The following HMGN2 variants were observed in gnomAD, a reference collection of about 807,000 sequenced individuals.
HMGN2 encodes non-histone chromosomal protein HMG-17.
Under a neutral mutation model 16.9 loss-of-function variants are expected in HMGN2, and 2 were observed. The ratio of observed to expected loss-of-function variants is 0.12; its 90% CI spans 0.05 to 0.37. HMGN2 has a LOEUF of 0.37. HMGN2 is among the 10% of genes least tolerant of loss of function. The pLI is 1.00. For missense variants in HMGN2, 90 were observed against 106.0 expected (o/e 0.85, Z 0.66); for synonymous variants, 31 against 34.9 (o/e 0.89, Z 0.39).
intron 4 of HMGN2, 120 bp downstream of exon 4, chr1:26,474,255 C>T (rs1479432479): frequency 1.4e-6 from 1 of 707,406 alleles, no homozygotes; most frequent in Middle Eastern, 4.0e-4. Context: ...GGATAGCTTA[C>T]CTCGTCCGTG....
Position 26,473,752 on chromosome 1 carries a change from T to C in HMGN2, c.90+20T>C. The stretch of plus-strand genomic sequence containing the variant: ...TCTGCTGTAAGTGTATGCTTTTGAA[T>C]TTTCGTGCTTGTCCCTGAAACTAAA... On this transcript the variant is annotated intron_variant, in intron 3 of 5. Transcript: ENST00000361427. 6.2e-7 allele frequency: 1 copy of C among 1,612,668 alleles called. No homozygotes were observed. Among genetic ancestry groups the C allele is most frequent in the Non-Finnish European group, 8.5e-7 (1 of 1,178,800 alleles).
intron 4 of HMGN2, 74 bp downstream of exon 4, chr1:26,474,209 A>C: frequency 9.3e-7 from 1 of 1,078,384 alleles, no homozygotes; most frequent in Admixed American, 2.3e-5. Flanking sequence ...TAATTAGCAT[A>C]ATGGTGCCTC....
At chr1:26,475,018 C>T in intron 5 of HMGN2, 95 bp from the exon 6 acceptor site, 4 of 1,047,450 alleles carry the variant, frequency 3.8e-6, no homozygotes, top group Non-Finnish European at 5.8e-6. Flanking sequence ...GAAACCTGAA[C>T]TTTGGCCTGG....
rs1491341173 is a variant in HMGN2, at chr1:26,475,058, AAC to A, written c.238-51_238-50del. 3 of 1,443,966 alleles carry A rather than the reference AAC, an allele frequency of 2.1e-6. No individual in the cohort carries two copies. In the African/African-American group the frequency reaches 4.2e-5, roughly 20 times the overall value. The allele number at this position is 1,443,966 out of a possible 1,614,324, so 89.4% of individuals were successfully genotyped here. ...AAAGTGATGCTGTAGGTGGAATGTG[AAC>A]ACAGATAGTTTTGAAATCTACGCAT... On this transcript the variant is annotated intron_variant, in intron 5 of 5. Coordinates refer to ENST00000361427, the MANE Select transcript of HMGN2 (RefSeq NM_005517.4).
intron 3 of HMGN2, 81 bp downstream of exon 3, chr1:26,473,813 T>G: frequency 1.5e-6 from 2 of 1,359,602 alleles, no homozygotes; most frequent in Non-Finnish European, 2.1e-6. Context: ...CTTCCATGAA[T>G]TATGGTTAGT....
intron 1 of HMGN2, among the ~76,000 whole-genome samples, 163 bp downstream of exon 1, chr1:26,472,790 G>A (rs2075579740): frequency 6.6e-6 from 1 of 151,726 alleles, no homozygotes; most frequent in South Asian, 2.1e-4. Flanking sequence ...AACCCTGAGC[G>A]GCTCGGCTGC....
In HMGN2 at chr1:26,473,774, T is replaced by TAAAAA. The variant is rs532646106; in HGVS notation, c.90+44_90+48dup. 7.6e-6 allele frequency: 12 copies of TAAAAA among 1,586,842 alleles called. No individual in the cohort carries two copies. The African/African-American group carries it at 1.5e-4, about 20-fold the overall frequency. On this transcript the variant is annotated intron_variant, in intron 3 of 5. Transcript: ENST00000361427. ...GAATTTTCGTGCTTGTCCCTGAAAC[T>TAAAAA]AAAAAACATCAAAAAACAATTCCCT...
In HMGN2 at chr1:26,475,717, C is replaced by T. The variant is rs4104981; in HGVS notation, c.*569C>T. 5 of 301,758 alleles carry T rather than the reference C, an allele frequency of 1.7e-5. No homozygotes were observed. Among genetic ancestry groups the T allele is most frequent in the African/African-American group, 4.5e-5 (2 of 44,090 alleles). The allele number at this position is 301,758 out of a possible 1,614,324, so 18.7% of individuals were successfully genotyped here. A position where few individuals can be genotyped will look rare whatever the true frequency, so the allele number is the denominator to read the frequency against. On this transcript the variant is annotated 3_prime_UTR_variant, in exon 6 of 6. Transcript: ENST00000361427. ...CATTTCACTTCCTGAAAGTCAGGGT[C>T]GGCTTGTGAAAAGTTGTTAAACAAC...
At chr1:26,473,310 A>G in intron 1 of HMGN2, 173 bp from the exon 2 acceptor site, 1 of 561,736 alleles carries the variant, frequency 1.8e-6, no homozygotes, top group Non-Finnish European at 3.2e-6. Flanking sequence ...GGGGTCGGCG[A>G]GCCGGAGCTC....
intron 5 of HMGN2, 72 bp downstream of exon 5, chr1:26,474,739 C>A: frequency 1.3e-6 from 1 of 753,246 alleles, no homozygotes. Flanking sequence ...ATTTAATTGC[C>A]CTTTTCTTGT....
chr1:26,476,023 C>G lies in HMGN2; in HGVS notation c.*875C>G, dbSNP rs1570380303. On this transcript the variant is annotated 3_prime_UTR_variant, in exon 6 of 6. Coordinates refer to ENST00000361427, the MANE Select transcript of HMGN2 (RefSeq NM_005517.4). ...GTGGGGTAACCTGGTTTATCCAAGT[C>G]TCTTGGAACAGGGTACGTTCTGCTT... The G allele has an allele frequency of 7.1e-6, 2 of 282,172 alleles. No homozygotes were observed. Among genetic ancestry groups the G allele is most frequent in the East Asian group, 2.2e-4 (2 of 9,120 alleles). 17.5% of individuals were successfully genotyped at this position (282,172 alleles called of 1,614,324 possible). A position where few individuals can be genotyped will look rare whatever the true frequency, so the allele number is the denominator to read the frequency against.
rs373755444 is a variant in HMGN2 at position 26,473,773 on chromosome 1, C to G, written c.90+41C>G. ...TGAATTTTCGTGCTTGTCCCTGAAA[C>G]TAAAAAACATCAAAAAACAATTCCC... On this transcript the variant is annotated intron_variant, in intron 3 of 5. Coordinates refer to ENST00000361427, the MANE Select transcript of HMGN2 (RefSeq NM_005517.4). The G allele has an allele frequency of 3.1e-6, 5 of 1,589,838 alleles. No individual in the cohort carries two copies. In the African/African-American group the frequency reaches 4.0e-5, roughly 13 times the overall value.
intron 1 of HMGN2, 92 bp from the exon 2 acceptor site, chr1:26,473,391 C>T: frequency 1.1e-6 from 1 of 922,052 alleles, no homozygotes; most frequent in East Asian, 2.5e-5. Context: ...GTGTGGACGA[C>T]TGCTTTAATT....
chr1:26,473,774 T>A, intron 3 of HMGN2, 42 bp downstream of exon 3: 1 of 1,586,958 alleles, frequency 6.3e-7, no homozygotes. Flanking sequence ...TCCCTGAAAC[T>A]AAAAAACATC....
chr1:26,474,222 T>TTATGC, intron 4 of HMGN2, 87 bp downstream of exon 4: 1 of 940,018 alleles, frequency 1.1e-6, no homozygotes, highest in Non-Finnish European at 1.6e-6. Flanking sequence ...GGTGCCTCCA[T>TTATGC]TAATGGAGGT....
At chr1:26,473,757 G>A (rs990022698) in intron 3 of HMGN2, 25 bp downstream of exon 3, 3 of 1,611,272 alleles carry the variant, frequency 1.9e-6, no homozygotes, top group Non-Finnish European at 2.5e-6. Context: ...TTGAATTTTC[G>A]TGCTTGTCCC....
At chr1:26,472,838 C>T (rs1022162303) in intron 1 of HMGN2, among the ~76,000 whole-genome samples, 1 of 150,910 alleles carries the variant, frequency 6.6e-6, no homozygotes, top group Non-Finnish European at 1.5e-5. Flanking sequence ...GAGCGGCGGC[C>T]GCGGCGGGAG....
At chr1:26,474,550 T>G (rs149852497) in intron 4 of HMGN2, 22 bp from the exon 5 acceptor site, 3 of 1,152,152 alleles carry the variant, frequency 2.6e-6, no homozygotes, top group Non-Finnish European at 3.9e-6. Context: ...GAGAAACAGT[T>G]CTATTTTTTC....
At chr1:26,474,303 TGTTA>T (rs760310776) in intron 4 of HMGN2, among the ~76,000 whole-genome samples, 168 bp downstream of exon 4, 7 of 152,218 alleles carry the variant, frequency 4.6e-5, no homozygotes, top group Admixed American at 1.3e-4. Context: ...AGAATTCTGT[TGTTA>T]GTTTATAGGA....
Sources: gnomAD v4.1 joint callset for allele counts (sites outside exome capture counted in the v4.1 genomes callset) on GRCh38, gnomAD v4.1.1 for gene constraint, MANE v1.5 for transcripts, NCBI Gene and HGNC (gene_info 2026-07-23, HGNC 2026-07-21) for gene names.